Variants in GRIK1 observed in about 807,000 individuals in gnomAD.
GRIK1 encodes glutamate receptor ionotropic, kainate 1.
A neutral mutation model predicts 105.7 loss-of-function variants in GRIK1; 69 were observed. That is an observed-to-expected ratio of 0.65 (90% CI 0.54 to 0.80). GRIK1 has a LOEUF of 0.80. GRIK1 is among the 30% of genes least tolerant of loss of function. The pLI, the probability that GRIK1 is intolerant of heterozygous loss-of-function variation, is 0.00. For missense variants in GRIK1, 1,109 were observed against 1,167.3 expected, an observed-to-expected ratio of 0.95 and a Z score of 0.73; for synonymous variants, 438 against 431.3, an observed-to-expected ratio of 1.02 and a Z score of -0.19.
chr21:29,762,992 C>T (rs1311252579), intron 1 of GRIK1, among the ~76,000 whole-genome samples: 1 of 152,200 alleles, frequency 6.6e-6, no homozygotes, highest in African/African-American at 2.4e-5. Context: ...TTGAAATTTG[C>T]CTTCTGAAAG....
At chr21:29,756,831 T>C (rs2065355747) in intron 1 of GRIK1, among the ~76,000 whole-genome samples, 1 of 151,930 alleles carries the variant, frequency 6.6e-6, no homozygotes, top group Non-Finnish European at 1.5e-5. Flanking sequence ...TACAAACCAG[T>C]GGCCGGGCGC....
chr21:29,595,669 A>G (rs572984876), intron 9 of GRIK1, among the ~76,000 whole-genome samples: 126 of 152,258 alleles, frequency 8.3e-4, no homozygotes, highest in Admixed American at 1.8e-3. Context: ...TTTAAGGTCC[A>G]TTCATCAGTC....
intron 1 of GRIK1, among the ~76,000 whole-genome samples, chr21:29,724,804 A>G (rs933930502): frequency 1.3e-5 from 2 of 152,112 alleles, no homozygotes; most frequent in Admixed American, 6.6e-5. Context: ...CGCTTCTCAC[A>G]TCCTTGCTTT....
chr21:29,887,077 T>C (rs982521641), intron 1 of GRIK1, among the ~76,000 whole-genome samples: 4 of 152,192 alleles, frequency 2.6e-5, no homozygotes, highest in African/African-American at 9.7e-5. Flanking sequence ...ATGGTGGTTT[T>C]ATAAGTATCG....
At chr21:29,769,247 G>A (rs1179484140) in intron 1 of GRIK1, among the ~76,000 whole-genome samples, 1 of 152,070 alleles carries the variant, frequency 6.6e-6, no homozygotes, top group Non-Finnish European at 1.5e-5. Context: ...TTAAAACGAG[G>A]TCACTAGGAT....
intron 1 of GRIK1, among the ~76,000 whole-genome samples, chr21:29,781,568 A>G (rs2832441): frequency 0.026 from 4,000 of 151,298 alleles, 185 homozygotes; most frequent in African/African-American, 0.092. Context: ...TTAAACTTAC[A>G]TAAATTTTGT....
chr21:29,576,734 T>C (rs2832401), intron 14 of GRIK1, among the ~76,000 whole-genome samples: 4,558 of 152,138 alleles, frequency 0.03, 227 homozygotes, highest in African/African-American at 0.1. Context: ...GTACACTAAA[T>C]TGGGGTGGAG....
At chr21:29,628,675 A>T (rs1034981239) in intron 7 of GRIK1, among the ~76,000 whole-genome samples, 1 of 152,246 alleles carries the variant, frequency 6.6e-6, no homozygotes, top group East Asian at 1.9e-4. Flanking sequence ...AATGGGCAGG[A>T]TCACAAACCT....
intron 13 of GRIK1, among the ~76,000 whole-genome samples, chr21:29,578,215 G>T (rs1385744741): frequency 6.6e-6 from 1 of 152,164 alleles, no homozygotes; most frequent in Admixed American, 6.5e-5. Flanking sequence ...GAACCTGAAG[G>T]CATGACAGAG....
At chr21:29,845,927 G>T (rs2068098785) in intron 1 of GRIK1, among the ~76,000 whole-genome samples, 1 of 152,066 alleles carries the variant, frequency 6.6e-6, no homozygotes, top group Admixed American at 6.6e-5. Context: ...TTGTCACAGG[G>T]GAACATCTTG....
At chr21:29,819,324 T>C (rs997142079) in intron 1 of GRIK1, among the ~76,000 whole-genome samples, 1 of 152,072 alleles carries the variant, frequency 6.6e-6, no homozygotes, top group Admixed American at 6.6e-5. Context: ...TTAGAAGCAC[T>C]CATGGCTTGT....
At chr21:29,707,786 T>G (rs2063954892) in intron 1 of GRIK1, among the ~76,000 whole-genome samples, 2 of 152,074 alleles carry the variant, frequency 1.3e-5, no homozygotes, top group African/African-American at 2.4e-5. Context: ...CTGGCCTGAC[T>G]CTATCCTATT....
chr21:29,809,388 G>T (rs1326359063), intron 1 of GRIK1, among the ~76,000 whole-genome samples: 2 of 152,156 alleles, frequency 1.3e-5, no homozygotes. Context: ...TAAAAGAAAA[G>T]TACATACCTT....
intron 4 of GRIK1, among the ~76,000 whole-genome samples, chr21:29,668,957 G>A (rs2063112013): frequency 6.6e-6 from 1 of 152,214 alleles, no homozygotes; most frequent in South Asian, 2.1e-4. Context: ...CCTGCTGCGA[G>A]GTGGTGGGTG....
chr21:29,543,639 C>T (rs2090005589), intron 16 of GRIK1, among the ~76,000 whole-genome samples: 2 of 152,122 alleles, frequency 1.3e-5, no homozygotes, highest in African/African-American at 4.8e-5. Flanking sequence ...GTGTTGATCA[C>T]CATATTAGCT....
chr21:29,711,752 T>C (rs1293042035), intron 1 of GRIK1, among the ~76,000 whole-genome samples: 1 of 152,150 alleles, frequency 6.6e-6, no homozygotes, highest in Non-Finnish European at 1.5e-5. Flanking sequence ...TTTACATTTT[T>C]ATTTTACAGA....
intron 1 of GRIK1, among the ~76,000 whole-genome samples, chr21:29,896,947 C>T (rs1339937091): frequency 6.6e-6 from 1 of 152,132 alleles, no homozygotes. Flanking sequence ...GCTCTTGCAG[C>T]CTCTGAGTCT....
At chr21:29,909,916 A>G in intron 1 of GRIK1, among the ~76,000 whole-genome samples, 1 of 152,170 alleles carries the variant, frequency 6.6e-6, no homozygotes. Flanking sequence ...ATTTTAAAAG[A>G]CATTTAATTA....
intron 1 of GRIK1, among the ~76,000 whole-genome samples, chr21:29,733,744 C>T (rs751989286): frequency 6.6e-6 from 1 of 151,914 alleles, no homozygotes; most frequent in Non-Finnish European, 1.5e-5. Context: ...CCTCTGTTAG[C>T]GTTTATAGAT....
Sources: gnomAD v4.1 joint callset for allele counts (sites outside exome capture counted in the v4.1 genomes callset) on GRCh38, gnomAD v4.1.1 for gene constraint, MANE v1.5 for transcripts, NCBI Gene and HGNC (gene_info 2026-07-23, HGNC 2026-07-21) for gene names.